Variants in SGCD observed in about 807,000 individuals in gnomAD.
The protein encoded by SGCD is sarcoglycan delta, also known as delta-sarcoglycan.
A neutral mutation model predicts 36.6 loss-of-function variants in SGCD; 18 were observed. The ratio of observed to expected loss-of-function variants is 0.49; its 90% CI spans 0.34 to 0.73. The LOEUF is 0.73. Ranked by LOEUF, SGCD falls within the 30% of genes least tolerant of loss-of-function variation. The pLI is 0.01. For synonymous variants in SGCD, 133 were observed against 130.6 expected, an observed-to-expected ratio of 1.02 and a Z score of -0.12; for missense variants, 387 against 346.7, an observed-to-expected ratio of 1.12 and a Z score of -0.92.
At chr5:156,187,955 T>C (rs1161617475) in intron 3 of SGCD, among the ~76,000 whole-genome samples, 2 of 152,166 alleles carry the variant, frequency 1.3e-5, no homozygotes, top group Non-Finnish European at 2.9e-5. Context: ...AAATATGTGT[T>C]CTTAACAGTG....
At chr5:156,405,871 T>C (rs1002250486) in intron 3 of SGCD, among the ~76,000 whole-genome samples, 2 of 152,024 alleles carry the variant, frequency 1.3e-5, no homozygotes, top group African/African-American at 4.8e-5. Flanking sequence ...TGAGGCCCAG[T>C]GGGTGCTCCC....
In SGCD at chr5:156,156,279, C is replaced by T. The variant is rs142630994; in HGVS notation, c.-44+32260C>T. ...AGACTAGAACTAAGGCTTCCTTAGT[C>T]GTTGTTCATTTCTCATATTCCCAAA... On this transcript the variant is annotated intron_variant, in intron 3 of 9. Transcript: ENST00000517913. Among the ~76,000 whole-genome samples, 270 of 151,596 alleles carry T rather than the reference C, an allele frequency of 1.8e-3. 12 individuals carry two copies. Among genetic ancestry groups the T allele is most frequent in the African/African-American group, 6.2e-3 (254 of 40,930 alleles).
chr5:156,259,804 A>C (rs1034350340), intron 3 of SGCD, among the ~76,000 whole-genome samples: 18 of 152,086 alleles, frequency 1.2e-4, no homozygotes, highest in Non-Finnish European at 2.1e-4. Context: ...CTTTATAAGA[A>C]GAGGAAAAAA....
At chr5:156,039,705 C>A (rs1005257757) in intron 1 of SGCD, among the ~76,000 whole-genome samples, 3 of 152,094 alleles carry the variant, frequency 2.0e-5, no homozygotes, top group African/African-American at 7.2e-5. Context: ...GCTTTTATAC[C>A]TTGCAGGGTA....
At chr5:155,989,873 A>C (rs1024137831) in intron 1 of SGCD, among the ~76,000 whole-genome samples, 12 of 152,272 alleles carry the variant, frequency 7.9e-5, no homozygotes, top group African/African-American at 2.6e-4. Flanking sequence ...GCCCTTGCAT[A>C]TTTTGCAACA....
At position 156,583,360 on chromosome 5, in the gene SGCD, A is replaced by G. The variant is rs184152986; in HGVS notation, c.295-5871A>G. ...GTTGCCTCTCCAATTGCCAAGCAAC[A>G]CGAGGATTATCCCTCACTCTGCCTC... On this transcript the variant is annotated intron_variant, in intron 4 of 8. Transcript: ENST00000337851. Among the ~76,000 whole-genome samples the G allele has an allele frequency of 2.3e-3, 345 of 152,298 alleles. 3 individuals are homozygous for G. The highest frequency in any genetic ancestry group is 6.0e-3 in the Admixed American group (91 of 15,292).
At chr5:156,122,899 T>TTTA (rs1434070248) in intron 2 of SGCD, among the ~76,000 whole-genome samples, 2 of 136,608 alleles carry the variant, frequency 1.5e-5, no homozygotes, top group Admixed American at 7.6e-5. Context: ...AGCTGCTGGA[T>TTTA]TTATTCTGAA....
chr5:156,681,984 AAGG>A (rs141891275), intron 7 of SGCD, among the ~76,000 whole-genome samples: 1,637 of 152,324 alleles, frequency 0.011, 34 homozygotes, highest in African/African-American at 0.037. Context: ...CAGCATAATG[AAGG>A]AGTTTACTGT....
At chr5:155,819,210 A>G in the SGCD span, among the ~76,000 whole-genome samples, 5 of 152,190 alleles carry the variant, frequency 3.3e-5, no homozygotes, top group Non-Finnish European at 7.3e-5. Flanking sequence ...TACATTAAAG[A>G]TTCATTTTCT....
intron 3 of SGCD, among the ~76,000 whole-genome samples, chr5:156,311,720 A>G (rs1767394424): frequency 6.6e-6 from 1 of 152,180 alleles, no homozygotes; most frequent in Non-Finnish European, 1.5e-5. Context: ...ATACAATGTC[A>G]ACATCAGTTG....
the SGCD span, among the ~76,000 whole-genome samples, chr5:155,828,401 A>G: frequency 2.0e-5 from 3 of 152,220 alleles, no homozygotes; most frequent in Non-Finnish European, 2.9e-5. Flanking sequence ...TTGGCTGTCA[A>G]GATTCAATGA....
intron 3 of SGCD, among the ~76,000 whole-genome samples, chr5:156,199,960 C>T (rs1764105465): frequency 6.6e-6 from 1 of 152,054 alleles, no homozygotes; most frequent in Non-Finnish European, 1.5e-5. Flanking sequence ...TTTTCTTTTA[C>T]TTTTAATGTT....
intron 2 of SGCD, among the ~76,000 whole-genome samples, chr5:156,331,122 TCAAA>T (rs1168758071): frequency 2.0e-5 from 3 of 152,334 alleles, no homozygotes; most frequent in Middle Eastern, 3.4e-3. Flanking sequence ...AACAAAGAGT[TCAAA>T]CAATCAGCAA....
chr5:156,473,064 T>C (rs1441296918), intron 3 of SGCD, among the ~76,000 whole-genome samples: 1 of 152,234 alleles, frequency 6.6e-6, no homozygotes, highest in Non-Finnish European at 1.5e-5. Flanking sequence ...ATTTATCCAA[T>C]GCCTACATTG....
At chr5:156,394,195 G>T (rs1483557181) in intron 3 of SGCD, among the ~76,000 whole-genome samples, 3 of 152,116 alleles carry the variant, frequency 2.0e-5, no homozygotes, top group Admixed American at 6.5e-5. Context: ...AGCTTTGTTT[G>T]GGGGGTGGTG....
At chr5:156,103,094 G>A (rs1317378937) in intron 1 of SGCD, among the ~76,000 whole-genome samples, 1 of 152,170 alleles carries the variant, frequency 6.6e-6, no homozygotes, top group Non-Finnish European at 1.5e-5. Flanking sequence ...CAGTATACAA[G>A]ATTCATTAAT....
At chr5:156,029,853 T>C (rs1759305398) in intron 1 of SGCD, among the ~76,000 whole-genome samples, 3 of 152,180 alleles carry the variant, frequency 2.0e-5, no homozygotes, top group Admixed American at 2.0e-4. Context: ...ATTTCGTTCA[T>C]ACAGCTTCGC....
chr5:156,734,732 A>G (rs1488659887), intron 7 of SGCD, among the ~76,000 whole-genome samples: 1 of 152,080 alleles, frequency 6.6e-6, no homozygotes, highest in Non-Finnish European at 1.5e-5. Flanking sequence ...ATTCCTCTCT[A>G]TACTGGCTAT....
At chr5:156,653,709 C>T (rs73301172) in intron 7 of SGCD, among the ~76,000 whole-genome samples, 4,019 of 151,808 alleles carry the variant, frequency 0.026, 181 homozygotes, top group African/African-American at 0.092. Context: ...TTTCATGGTG[C>T]CACATATTAC....
Sources: gnomAD v4.1 joint callset for allele counts (sites outside exome capture counted in the v4.1 genomes callset) on GRCh38, gnomAD v4.1.1 for gene constraint, MANE v1.5 for transcripts, NCBI Gene and HGNC (gene_info 2026-07-23, HGNC 2026-07-21) for gene names.